The following H1-1 variants were observed in gnomAD, a reference collection of about 807,000 sequenced individuals.
The protein encoded by H1-1 is H1.1 linker histone, cluster member.
Under a neutral mutation model 0.8 loss-of-function variants are expected in H1-1, and 2 were observed. That is an observed-to-expected ratio of 2.64 (90% CI 1.08 to 8.30). H1-1 has a LOEUF of 8.30. Among genes scored for constraint, H1-1 ranks in the 30% most tolerant of loss-of-function variants. The probability of loss-of-function intolerance (pLI) is 0.04; values close to 1 mark genes in which losing one functional copy is unlikely to be tolerated. For synonymous variants in H1-1, 211 were observed against 108.2 expected (o/e 1.95, Z -5.89); for missense variants, 516 against 262.6 (o/e 1.97, Z -6.67).
rs1350915714 is a variant in H1-1 at position 26,017,315 on chromosome 6, T to C, written c.418A>G (p.Lys140Glu). 9.9e-6 allele frequency: 16 copies of C among 1,613,828 alleles called. No individual in the cohort carries two copies. The highest frequency in any genetic ancestry group is 1.4e-5 in the Non-Finnish European group (16 of 1,179,728). Residue 140 changes from lysine to glutamate, a missense_variant, in exon 1 of 1, where the codon AAA becomes GAA. By Grantham distance (56) the Lys-to-Glu change is moderately conservative. Transcript: ENST00000244573. Reference sequence around the variant, plus strand: ...TTTTTGCTAGCCCCCGTGGCCTTTTTGAGCTTTTTAGATGCACCCGTTGCC... The same window carrying C: ...TTTTTGCTAGCCCCCGTGGCCTTTTCGAGCTTTTTAGATGCACCCGTTGCC... Reference protein sequence around the residue: ...TKATGASKKLKKATGASKKSV... With the variant: ...TKATGASKKLEKATGASKKSV...
chr6:26,017,206 T>C lies in H1-1; in HGVS notation c.527A>G (p.Lys176Arg). 1 of 1,614,216 alleles carries C rather than the reference T, an allele frequency of 6.2e-7. No homozygotes were observed. The highest frequency in any genetic ancestry group is 8.5e-7 in the Non-Finnish European group (1 of 1,180,046). Residue 176 changes from lysine to arginine, a missense_variant, in exon 1 of 1, where the codon AAG becomes AGG. Transcript: ENST00000244573. ...SKNPKKPKTV[K>R]PKKVAKSPAK... Reference sequence around the variant, plus strand: ...AGGGCTTTTAGCTACTTTCTTGGGCTTTACAGTTTTGGGTTTTTTTGGATT... The same window carrying C: ...AGGGCTTTTAGCTACTTTCTTGGGCCTTACAGTTTTGGGTTTTTTTGGATT...
Position 26,017,163 on chromosome 6 carries a change from T to C in H1-1, c.570A>G (p.Val190=), listed in dbSNP as rs1255102807. The change falls in exon 1 of 1, where the codon GTA becomes GTG. Residue 190 remains valine, a synonymous_variant. Transcript: ENST00000244573. ...CCCTAGCCTTGGCCGCCTTGGGTTTTACAGCCTTAGCTTTAGCAGGGCTTT... is the reference window on the plus strand; with the variant it reads ...CCCTAGCCTTGGCCGCCTTGGGTTTCACAGCCTTAGCTTTAGCAGGGCTTT... ...VAKSPAKAKA[V]KPKAAKARVT... The C allele has an allele frequency of 6.2e-7, 1 of 1,613,608 alleles. No homozygotes were observed. Among genetic ancestry groups the C allele is most frequent in the African/African-American group, 1.3e-5 (1 of 74,912 alleles).
In H1-1 at chr6:26,017,373, C is replaced by T; in HGVS notation, c.360G>A (p.Lys120=). The change falls in exon 1 of 1, where the codon AAG becomes AAA. Residue 120 remains lysine (K), a synonymous_variant. Transcript: ENST00000244573. ...LNKKASSVET[K]PGASKVATKT... Reference sequence around the variant, plus strand: ...TTGTAGCCACCTTTGAGGCGCCGGGCTTGGTTTCCACGGAGGACGCCTTCT... The same window carrying T: ...TTGTAGCCACCTTTGAGGCGCCGGGTTTGGTTTCCACGGAGGACGCCTTCT... 1.9e-6 allele frequency: 3 copies of T among 1,614,092 alleles called. No individual in the cohort carries two copies. The highest frequency in any genetic ancestry group is 1.3e-5 in the African/African-American group (1 of 75,024).
chr6:26,017,514 G>C lies in H1-1; in HGVS notation c.219C>G (p.Gly73=). ...AALKKALAAA[G]YDVEKNNSRI... ...GGCTGTTGTTCTTCTCCACGTCGTA[G>C]CCTGCGGCCGCCAGCGCCTTTTTAA... is the stretch of plus-strand genomic sequence containing the variant. Residue 73 remains glycine, a synonymous_variant, in exon 1 of 1, where the codon GGC becomes GGG. Coordinates refer to ENST00000244573, the MANE Select transcript of H1-1 (RefSeq NM_005325.4). 6.2e-7 allele frequency: 1 copy of C among 1,614,098 alleles called. No homozygotes were observed.
chr6:26,017,445 C>T lies in H1-1; in HGVS notation c.288G>A (p.Leu96=), dbSNP rs772212968. The change falls in exon 1 of 1, where the codon TTG becomes TTA. Residue 96 remains leucine, a synonymous_variant. Coordinates refer to ENST00000244573, the MANE Select transcript of H1-1 (RefSeq NM_005325.4). The stretch of plus-strand genomic sequence containing the variant: ...AGGCTCCGGTACCCTTTGTCTGCAC[C>T]AACGTTCCCTTGCTTACCAGGCTCT... ...GIKSLVSKGT[L]VQTKGTGASG... The T allele has an allele frequency of 1.2e-6, 2 of 1,614,006 alleles. No individual in the cohort carries two copies. Among genetic ancestry groups the T allele is most frequent in the East Asian group, 2.2e-5 (1 of 44,862 alleles).
rs779812387 is a variant in H1-1, at chr6:26,017,676, T to C, written c.57A>G (p.Leu19=). ...PAASAAPEKP[L]AGKKAKKPAK... ...CAGGTTTCTTTGCCTTCTTGCCAGCTAAAGGTTTCTCAGGAGCAGCAGAAG... is the reference window on the plus strand; with the variant it reads ...CAGGTTTCTTTGCCTTCTTGCCAGCCAAAGGTTTCTCAGGAGCAGCAGAAG... Residue 19 remains leucine (L), a synonymous_variant, in exon 1 of 1, where the codon TTA becomes TTG. Coordinates refer to ENST00000244573, the MANE Select transcript of H1-1 (RefSeq NM_005325.4). The C allele has an allele frequency of 6.2e-7, 1 of 1,613,968 alleles. No individual in the cohort carries two copies. Among genetic ancestry groups the C allele is most frequent in the Non-Finnish European group, 8.5e-7 (1 of 1,180,004 alleles).
In H1-1 at chr6:26,017,617, GC is replaced by G. The variant is rs1313229678; in HGVS notation, c.115del (p.Ala39LeufsTer8). ...KAAAASKKKP[A>X]GPSVSELIVQ... ...GATCAGCTCTGACACGGAAGGGCCA[GC>G]GGGTTTTTTCTTGGAGGCTGCTGCA... On this transcript the variant is annotated frameshift_variant, in exon 1 of 1. Coordinates refer to ENST00000244573, the MANE Select transcript of H1-1 (RefSeq NM_005325.4). LOFTEE classifies it low-confidence loss of function (END_TRUNC). The G allele has an allele frequency of 6.2e-7, 1 of 1,614,082 alleles. No homozygotes were observed. The highest frequency in any genetic ancestry group is 1.3e-5 in the African/African-American group (1 of 74,942).
Position 26,017,280 on chromosome 6 carries a change from C to T in H1-1, c.453G>A (p.Lys151=). Reference sequence around the variant, plus strand: ...CAGGCTTTTTAGCCTTTTTCGGAGTCTTGACGCTCTTTTTGCTAGCCCCCG... The same window carrying T: ...CAGGCTTTTTAGCCTTTTTCGGAGTTTTGACGCTCTTTTTGCTAGCCCCCG... The part of the protein sequence containing the change: ...KATGASKKSV[K]TPKKAKKPAA... Residue 151 remains lysine (K), a synonymous_variant, in exon 1 of 1, where the codon AAG becomes AAA. Coordinates refer to ENST00000244573, the MANE Select transcript of H1-1 (RefSeq NM_005325.4). 1 of 1,614,008 alleles carries T rather than the reference C, an allele frequency of 6.2e-7. No homozygotes were observed. Among genetic ancestry groups the T allele is most frequent in the Non-Finnish European group, 8.5e-7 (1 of 1,179,976 alleles).
chr6:26,017,568 C>G lies in H1-1; in HGVS notation c.165G>C (p.Lys55Asn). The G allele has an allele frequency of 6.2e-7, 1 of 1,614,184 alleles. No homozygotes were observed. Among genetic ancestry groups the G allele is most frequent in the Non-Finnish European group, 8.5e-7 (1 of 1,180,038 alleles). ...CTGCCAACGACACACCACCACGCTC[C>G]TTAGAGGAGGAAGCAGCCTGCACGA... is the stretch of plus-strand genomic sequence containing the variant. The part of the protein sequence containing the change: ...ELIVQAASSS[K>N]ERGGVSLAAL... Residue 55 changes from lysine (K) to asparagine (N), a missense_variant, in exon 1 of 1, where the codon AAG (lysine) becomes AAC (asparagine). Lys to Asn is a moderately conservative substitution (Grantham distance 94). Transcript: ENST00000244573.
In H1-1 at chr6:26,017,646, C is replaced by T; in HGVS notation, c.87G>A (p.Lys29=). The change falls in exon 1 of 1, where the codon AAG becomes AAA. Residue 29 remains lysine (K), a synonymous_variant. Coordinates refer to ENST00000244573, the MANE Select transcript of H1-1 (RefSeq NM_005325.4). The part of the protein sequence containing the change: ...LAGKKAKKPA[K]AAAASKKKPA... The stretch of plus-strand genomic sequence containing the variant: ...GTTTTTTCTTGGAGGCTGCTGCAGC[C>T]TTAGCAGGTTTCTTTGCCTTCTTGC... 1 of 1,614,190 alleles carries T rather than the reference C, an allele frequency of 6.2e-7. No homozygotes were observed. Among genetic ancestry groups the T allele is most frequent in the Non-Finnish European group, 8.5e-7 (1 of 1,180,038 alleles).
In H1-1 at chr6:26,017,678, A is replaced by C. The variant is rs914239768; in HGVS notation, c.55T>G (p.Leu19Val). 33 of 1,613,934 alleles carry C rather than the reference A, an allele frequency of 2.0e-5. No individual in the cohort carries two copies. Among genetic ancestry groups the C allele is most frequent in the Non-Finnish European group, 2.8e-5 (33 of 1,180,034 alleles). The change falls in exon 1 of 1, where the codon TTA becomes GTA. Residue 19 changes from leucine to valine, a missense_variant. Physicochemically the swap from Leu to Val is conservative, Grantham distance 32. Transcript: ENST00000244573. ...PAASAAPEKP[L>V]AGKKAKKPAK... Reference sequence around the variant, plus strand: ...GGTTTCTTTGCCTTCTTGCCAGCTAAAGGTTTCTCAGGAGCAGCAGAAGCG... The same window carrying C: ...GGTTTCTTTGCCTTCTTGCCAGCTACAGGTTTCTCAGGAGCAGCAGAAGCG...
Position 26,017,557 on chromosome 6 carries a change from C to A in H1-1, c.176G>T (p.Gly59Val). The change falls in exon 1 of 1, where the codon GGT becomes GTT. Residue 59 changes from glycine to valine, a missense_variant. Coordinates refer to ENST00000244573, the MANE Select transcript of H1-1 (RefSeq NM_005325.4). ...CTTTTTAAGAGCTGCCAACGACACA[C>A]CACCACGCTCCTTAGAGGAGGAAGC... ...QAASSSKERG[G>V]VSLAALKKAL... The A allele has an allele frequency of 1.2e-6, 2 of 1,614,194 alleles. No homozygotes were observed. Among genetic ancestry groups the A allele is most frequent in the Non-Finnish European group, 1.7e-6 (2 of 1,180,040 alleles).
In H1-1 at chr6:26,017,636, C is replaced by A. The variant is rs951503230; in HGVS notation, c.97G>T (p.Ala33Ser). 1 of 1,614,052 alleles carries A rather than the reference C, an allele frequency of 6.2e-7. No homozygotes were observed. Among genetic ancestry groups the A allele is most frequent in the Non-Finnish European group, 8.5e-7 (1 of 1,180,034 alleles). ...GGGCCAGCGGGTTTTTTCTTGGAGG[C>A]TGCTGCAGCCTTAGCAGGTTTCTTT... The part of the protein sequence containing the change: ...KAKKPAKAAA[A>S]SKKKPAGPSV... Residue 33 changes from alanine to serine, a missense_variant, in exon 1 of 1, where the codon GCC becomes TCC. By Grantham distance (99) the Ala-to-Ser change is moderately conservative (BLOSUM62 1). Coordinates refer to ENST00000244573, the MANE Select transcript of H1-1 (RefSeq NM_005325.4).
In H1-1 at chr6:26,017,367, G is replaced by A. The variant is rs138887288; in HGVS notation, c.366C>T (p.Gly122=). 25 of 1,613,918 alleles carry A rather than the reference G, an allele frequency of 1.5e-5. No homozygotes were observed. The highest frequency in any genetic ancestry group is 2.0e-5 in the Non-Finnish European group (24 of 1,180,012). The change falls in exon 1 of 1, where the codon GGC becomes GGT. Residue 122 remains glycine, a synonymous_variant. Coordinates refer to ENST00000244573, the MANE Select transcript of H1-1 (RefSeq NM_005325.4). ...TAGTTTTTGTAGCCACCTTTGAGGC[G>A]CCGGGCTTGGTTTCCACGGAGGACG... is the stretch of plus-strand genomic sequence containing the variant. ...KKASSVETKP[G]ASKVATKTKA... is the part of the protein sequence containing the mutation.
Position 26,017,493 on chromosome 6 carries a change from G to A in H1-1, c.240C>T (p.Asn80=), listed in dbSNP as rs371630523. ...AAAGYDVEKN[N]SRIKLGIKSL... ...TCTTAATGCCCAGCTTAATGCGGCT[G>A]TTGTTCTTCTCCACGTCGTAGCCTG... The change falls in exon 1 of 1, where the codon AAC becomes AAT. Residue 80 remains asparagine (N), a synonymous_variant. Coordinates refer to ENST00000244573, the MANE Select transcript of H1-1 (RefSeq NM_005325.4). 9.4e-5 allele frequency: 152 copies of A among 1,613,852 alleles called. No individual in the cohort carries two copies. The highest frequency in any genetic ancestry group is 2.5e-4 in the Admixed American group (15 of 60,008).
In H1-1 at chr6:26,017,266, G is replaced by C. The variant is rs773982795; in HGVS notation, c.467C>G (p.Ala156Gly). The C allele has an allele frequency of 1.2e-6, 2 of 1,613,892 alleles. No individual in the cohort carries two copies. The highest frequency in any genetic ancestry group is 8.5e-7 in the Non-Finnish European group (1 of 1,180,012). ...SKKSVKTPKK[A>G]KKPAATRKSS... ...TTTCCTTGTTGCCGCAGGCTTTTTA[G>C]CCTTTTTCGGAGTCTTGACGCTCTT... The change falls in exon 1 of 1, where the codon GCT becomes GGT. Residue 156 changes from alanine to glycine, a missense_variant. Physicochemically the swap from Ala to Gly is moderately conservative, Grantham distance 60. Coordinates refer to ENST00000244573, the MANE Select transcript of H1-1 (RefSeq NM_005325.4).
chr6:26,017,729 A>G lies in H1-1; in HGVS notation c.4T>C (p.Ser2Pro). Residue 2 changes from serine to proline, a missense_variant, in exon 1 of 1, where the codon TCT (serine) becomes CCT (proline). Physicochemically the swap from Ser to Pro is moderately conservative, Grantham distance 74. Transcript: ENST00000244573. Reference sequence around the variant, plus strand: ...GCGGGGGCGGGAGGCACTGTTTCAGACATGGTGACTAACACAGCACACCAA... The same window carrying G: ...GCGGGGGCGGGAGGCACTGTTTCAGGCATGGTGACTAACACAGCACACCAA... Reference protein sequence around the residue: MSETVPPAPAAS... With the variant: MPETVPPAPAAS... The G allele has an allele frequency of 4.3e-6, 7 of 1,612,588 alleles. No homozygotes were observed. Among genetic ancestry groups the G allele is most frequent in the Non-Finnish European group, 5.9e-6 (7 of 1,179,466 alleles).
Position 26,017,720 on chromosome 6 carries a change from C to T in H1-1, c.13G>A (p.Val5Met), listed in dbSNP as rs1561913003. The T allele has an allele frequency of 1.2e-6, 2 of 1,612,900 alleles. No homozygotes were observed. Among genetic ancestry groups the T allele is most frequent in the Non-Finnish European group, 1.7e-6 (2 of 1,179,546 alleles). The stretch of plus-strand genomic sequence containing the variant: ...GCAGAAGCGGCGGGGGCGGGAGGCA[C>T]TGTTTCAGACATGGTGACTAACACA... MSETVPPAPAASAAP... is the reference protein window; with the variant it reads MSETMPPAPAASAAP... The change falls in exon 1 of 1, where the codon GTG becomes ATG. Residue 5 changes from valine to methionine, a missense_variant. Val to Met is a conservative substitution (Grantham distance 21, BLOSUM62 1). Transcript: ENST00000244573.
rs1450753620 is a variant in H1-1 at position 26,017,535 on chromosome 6, T to C, written c.198A>G (p.Lys66=). 9 of 1,614,124 alleles carry C rather than the reference T, an allele frequency of 5.6e-6. No homozygotes were observed. Among genetic ancestry groups the C allele is most frequent in the Non-Finnish European group, 7.6e-6 (9 of 1,180,026 alleles). ...CGTAGCCTGCGGCCGCCAGCGCCTT[T>C]TTAAGAGCTGCCAACGACACACCAC... ...ERGGVSLAAL[K]KALAAAGYDV... Residue 66 remains lysine, a synonymous_variant, in exon 1 of 1, where the codon AAA becomes AAG. Transcript: ENST00000244573.
Sources: allele counts gnomAD v4.1 joint callset, GRCh38; gene constraint gnomAD v4.1.1; transcripts MANE v1.5; gene names NCBI Gene and HGNC (gene_info 2026-07-23, HGNC 2026-07-21).